The following LNX1 variants were observed in gnomAD, a reference collection of about 807,000 sequenced individuals.
LNX1 encodes the protein E3 ubiquitin-protein ligase LNX.
In LNX1, 54 loss-of-function variants were observed where a neutral mutation model predicts 68.4. That is an observed-to-expected ratio of 0.79 (90% CI 0.63 to 0.99). The LOEUF (loss-of-function observed/expected upper bound fraction) is 0.99, where lower values mean the gene tolerates loss of function less well. LNX1 is among the 50% of genes least tolerant of loss of function. LNX1 has a pLI of 0.00. For synonymous variants in LNX1, 336 were observed against 350.0 expected, an observed-to-expected ratio of 0.96 and a Z score of 0.45; for missense variants, 906 against 926.4, an observed-to-expected ratio of 0.98 and a Z score of 0.29.
chr4:53,635,879 C>A (rs866440347), intron 1 of LNX1, among the ~76,000 whole-genome samples: 2 of 152,136 alleles, frequency 1.3e-5, no homozygotes, highest in Admixed American at 6.5e-5. Flanking sequence ...GTCCTAACTG[C>A]AGCTGGGAAG....
intron 2 of LNX1, among the ~76,000 whole-genome samples, chr4:53,560,108 A>G (rs1005134089): frequency 6.6e-6 from 1 of 152,224 alleles, no homozygotes; most frequent in African/African-American, 2.4e-5. Flanking sequence ...TATCCTAAAT[A>G]TGGAGTTTCA....
At chr4:53,608,314 T>C (rs1366005850) in intron 2 of LNX1, among the ~76,000 whole-genome samples, 3 of 152,096 alleles carry the variant, frequency 2.0e-5, no homozygotes, top group Non-Finnish European at 4.4e-5. Context: ...TAAATGAACA[T>C]GCACTTTTTA....
chr4:53,501,311 G>GGGGGAC (rs1553932778), intron 4 of LNX1, among the ~76,000 whole-genome samples: 2 of 55,694 alleles, frequency 3.6e-5, no homozygotes, highest in African/African-American at 6.2e-5. Context: ...GGGGTGGGGG[G>GGGGGAC]ACAGGATCTC....
At chr4:53,626,593 T>C (rs757808954) in intron 1 of LNX1, among the ~76,000 whole-genome samples, 33 of 152,170 alleles carry the variant, frequency 2.2e-4, no homozygotes, top group Non-Finnish European at 3.1e-4. Context: ...TAGCAGGGCA[T>C]CAGAAGCCTT....
intron 9 of LNX1, among the ~76,000 whole-genome samples, chr4:53,466,787 C>A (rs987128957): frequency 6.6e-6 from 1 of 152,212 alleles, no homozygotes; most frequent in Non-Finnish European, 1.5e-5. Context: ...GGGGGAGGGG[C>A]GCCCGCCATT....
chr4:53,465,748 A>G (rs1289083506), intron 9 of LNX1, among the ~76,000 whole-genome samples: 2 of 146,908 alleles, frequency 1.4e-5, no homozygotes, highest in Non-Finnish European at 2.9e-5. Flanking sequence ...AATGAAAAAT[A>G]TGTTGCTAGC....
chr4:53,573,769 G>T lies in LNX1; in HGVS notation c.234C>A (p.Asp78Glu). The change falls in exon 2 of 11, where the codon GAC becomes GAA. Residue 78 changes from aspartate to glutamate, a missense_variant. Physicochemically the swap from Asp to Glu is conservative, Grantham distance 45. Transcript: ENST00000263925. The stretch of plus-strand genomic sequence containing the variant: ...AGTGCTGCAGAACCAGAGGCTTGCG[G>T]TCCATGGGACAGAAGTCCTTCTCCA... Reference protein sequence around the residue: ...FLVEKDFCPMDRKPLVLQHCK... With the variant: ...FLVEKDFCPMERKPLVLQHCK... 6.2e-7 allele frequency: 1 copy of T among 1,612,008 alleles called. No individual in the cohort carries two copies. The highest frequency in any genetic ancestry group is 8.5e-7 in the Non-Finnish European group (1 of 1,179,104).
At chr4:53,628,843 G>C (rs1012733946) in intron 1 of LNX1, among the ~76,000 whole-genome samples, 3 of 152,154 alleles carry the variant, frequency 2.0e-5, no homozygotes, top group Non-Finnish European at 2.9e-5. Flanking sequence ...GACGAAGCAG[G>C]AGGCCATTTT....
In LNX1 at chr4:53,481,585, G is replaced by A. The variant is rs77178500; in HGVS notation, c.1485+135C>T. 2.2e-3 allele frequency: 2,225 copies of A among 1,001,656 alleles called. 34 individuals are homozygous for A. In the African/African-American group the frequency reaches 0.034, roughly 15 times the overall value. The allele number at this position is 1,001,656 out of a possible 1,614,324, so 62.0% of individuals were successfully genotyped here. A position where few individuals can be genotyped will look rare whatever the true frequency, so the allele number is the denominator to read the frequency against. On this transcript the variant is annotated intron_variant, in intron 7 of 10. Transcript: ENST00000263925. The stretch of plus-strand genomic sequence containing the variant: ...TCCAAGTCTTAAATATGGGACTTTG[G>A]GCTTTTAGTTTTACAAGTCAAAGTG...
chr4:53,623,198 G>C lies in LNX1; in HGVS notation c.-215+28970C>G, dbSNP rs567589964. Among the ~76,000 whole-genome samples, 90 of 127,270 alleles carry C rather than the reference G, an allele frequency of 7.1e-4. No individual in the cohort carries two copies. The East Asian group carries it at 0.022, about 31-fold the overall frequency. 83.5% of individuals were successfully genotyped at this position (127,270 alleles called of 152,430 possible). ...CTGAGGATGAGAGCGTTTGCGTTGAGAGCAATTCTTTTTTTTTTTTTTTAG... is the reference window on the plus strand; with the variant it reads ...CTGAGGATGAGAGCGTTTGCGTTGACAGCAATTCTTTTTTTTTTTTTTTAG... On this transcript the variant is annotated intron_variant, in intron 1 of 2. Transcript: ENST00000507168.
chr4:53,585,463 T>C (rs181811886), intron 1 of LNX1, among the ~76,000 whole-genome samples: 247 of 152,258 alleles, frequency 1.6e-3, no homozygotes, highest in Non-Finnish European at 2.9e-3. Context: ...CTGCAAAAGA[T>C]ATATCCATGT....
intron 1 of LNX1, 26 bp downstream of exon 1, chr4:53,591,362 G>A: frequency 3.0e-6 from 3 of 984,554 alleles, no homozygotes; most frequent in South Asian, 4.7e-5. Context: ...AATGCCAAGA[G>A]AGAAAAATGG....
intron 2 of LNX1, among the ~76,000 whole-genome samples, chr4:53,608,495 C>T (rs375678070): frequency 1.6e-4 from 24 of 152,036 alleles, no homozygotes; most frequent in East Asian, 5.8e-4. Flanking sequence ...GAAAAGTAAA[C>T]GCTTATACAC....
chr4:53,503,780 C>G (rs906264302), intron 4 of LNX1, among the ~76,000 whole-genome samples: 4 of 152,222 alleles, frequency 2.6e-5, no homozygotes, highest in African/African-American at 9.6e-5. Context: ...ATTGACTTCT[C>G]TCTAGTTAAG....
intron 2 of LNX1, among the ~76,000 whole-genome samples, chr4:53,548,741 A>T (rs1476283547): frequency 1.3e-5 from 2 of 152,254 alleles, no homozygotes; most frequent in East Asian, 1.9e-4. Context: ...TCTTTGCAGC[A>T]GTATTCACAA....
intron 2 of LNX1, among the ~76,000 whole-genome samples, chr4:53,560,261 T>G (rs755261769): frequency 1.4e-4 from 21 of 152,210 alleles, no homozygotes; most frequent in Non-Finnish European, 2.8e-4. Context: ...CATGTCAGAT[T>G]GCTTCTGACA....
chr4:53,560,469 A>T (rs1465390466), intron 2 of LNX1, among the ~76,000 whole-genome samples: 5 of 152,194 alleles, frequency 3.3e-5, no homozygotes, highest in Non-Finnish European at 5.9e-5. Context: ...AACAGAACCC[A>T]GGTTTTATTT....
intron 1 of LNX1, among the ~76,000 whole-genome samples, chr4:53,639,819 G>A (rs1218034091): frequency 2.6e-5 from 4 of 152,230 alleles, no homozygotes; most frequent in African/African-American, 4.8e-5. Flanking sequence ...ATCACTTGAC[G>A]TCAGGGATTT....
intron 6 of LNX1, among the ~76,000 whole-genome samples, chr4:53,492,522 A>AGAGAGAGAGAGAGAGAGAGAGAGAGAGG (rs1560624867): frequency 6.6e-6 from 1 of 150,568 alleles, no homozygotes; most frequent in African/African-American, 2.4e-5. Context: ...AGAGAGAGAG[A>AGAGAGAGAGAGAGAGAGAGAGAGAGAGG]GAGAGAGAGA....
Sources: allele counts gnomAD v4.1 joint callset (sites outside exome capture counted in the v4.1 genomes callset), GRCh38; gene constraint gnomAD v4.1.1; transcripts MANE v1.5; gene names NCBI Gene and HGNC (gene_info 2026-07-23, HGNC 2026-07-21).